The following IVD variants were observed in gnomAD, a reference collection of about 807,000 sequenced individuals.
IVD encodes isovaleryl-CoA dehydrogenase, mitochondrial.
A neutral mutation model predicts 51.3 loss-of-function variants in IVD; 31 were observed. That is an observed-to-expected ratio of 0.60 (90% CI 0.45 to 0.81). The LOEUF is 0.81. IVD is among the 40% of genes least tolerant of loss of function. The pLI is 0.00. For synonymous variants in IVD, 205 were observed against 219.4 expected (o/e 0.93, Z 0.58); for missense variants, 475 against 552.0 (o/e 0.86, Z 1.40).
chr15:40,434,735 T>C (rs181985928), intron 8 of IVD, among the ~76,000 whole-genome samples: 5 of 152,168 alleles, frequency 3.3e-5, no homozygotes, highest in Non-Finnish European at 7.4e-5. Context: ...CTCTGGGAGA[T>C]CCATAAACAA....
Position 40,410,678 on chromosome 15 carries a change from G to A in IVD, c.337G>A (p.Glu113Lys), listed in dbSNP as rs1232893657. The A allele has an allele frequency of 1.9e-6, 3 of 1,614,248 alleles. No homozygotes were observed. The East Asian group carries it at 6.7e-5, about 36-fold the overall frequency. The change falls in exon 4 of 12, where the codon GAG (glutamate) becomes AAG (lysine). Residue 113 changes from glutamate (E) to lysine (K), a missense_variant. Glu to Lys is a moderately conservative substitution (Grantham distance 56). Coordinates refer to ENST00000487418, the MANE Select transcript of IVD (RefSeq NM_002225.5). ...LGYLEHVLVM[E>K]EISRASGAVG... is the part of the protein sequence containing the mutation. ...CTACCTGGAGCATGTGCTGGTGATGGAGGAGATATCCCGAGCTTCCGGAGC... is the reference window on the plus strand; with the variant it reads ...CTACCTGGAGCATGTGCTGGTGATGAAGGAGATATCCCGAGCTTCCGGAGC...
chr15:40,426,415 G>A (rs960255858), downstream of IVD, among the ~76,000 whole-genome samples: 35 of 151,784 alleles, frequency 2.3e-4, no homozygotes, highest in South Asian at 2.1e-4. Context: ...GTGGATGCCT[G>A]TAATCCCAGC....
At chr15:40,406,103 G>T in intron 1 of IVD, 132 bp downstream of exon 1, 1 of 1,540,358 alleles carries the variant, frequency 6.5e-7, no homozygotes, top group Non-Finnish European at 8.8e-7. Context: ...CGTTGGGAGC[G>T]CCAGCGCGGG....
chr15:40,417,026 C>T (rs1032884441), intron 11 of IVD, among the ~76,000 whole-genome samples: 1 of 151,502 alleles, frequency 6.6e-6, no homozygotes, highest in African/African-American at 2.4e-5. Flanking sequence ...ATGGTGAAAC[C>T]CTGTTTCTAC....
At chr15:40,423,092 C>T (rs1420108258), downstream of IVD, among the ~76,000 whole-genome samples, 1 of 151,278 alleles carries the variant, frequency 6.6e-6, no homozygotes, top group Non-Finnish European at 1.5e-5. Flanking sequence ...GTGTGCACCA[C>T]CATGCCAGAC....
In IVD at chr15:40,407,968, C is replaced by T. The variant is rs377199313; in HGVS notation, c.264C>T (p.Gly88=). The T allele has an allele frequency of 1.2e-5, 19 of 1,613,970 alleles. No homozygotes were observed. The highest frequency in any genetic ancestry group is 2.2e-5 in the South Asian group (2 of 91,086). ...REFWKQLGNL[G]VLGITAPVQY... Reference sequence around the variant, plus strand: ...TTTGGAAGCAGCTGGGGAACCTGGGCGTATTGGGCATCACAGCCCCTGGTG... The same window carrying T: ...TTTGGAAGCAGCTGGGGAACCTGGGTGTATTGGGCATCACAGCCCCTGGTG... The change falls in exon 3 of 12, where the codon GGC becomes GGT. Residue 88 remains glycine, a synonymous_variant. Transcript: ENST00000487418.
downstream of IVD, chr15:40,424,279 T>C: frequency 1.1e-6 from 1 of 935,560 alleles, no homozygotes; most frequent in Non-Finnish European, 1.5e-6. Context: ...CCCCTTCTGC[T>C]GCTTCCCTCC....
intron 7 of IVD, among the ~76,000 whole-genome samples, chr15:40,431,680 G>A (rs914529790): frequency 2.0e-5 from 3 of 150,772 alleles, no homozygotes; most frequent in African/African-American, 7.3e-5. Flanking sequence ...GGGCTACAGA[G>A]CAAGACTCCA....
downstream of IVD, among the ~76,000 whole-genome samples, chr15:40,423,141 G>T (rs1230601900): frequency 6.6e-6 from 1 of 151,638 alleles, no homozygotes; most frequent in African/African-American, 2.4e-5. Flanking sequence ...CTTTCACCAT[G>T]TTGTCCAGGC....
In IVD at chr15:40,410,733, A is replaced by G. The variant is rs1566935182; in HGVS notation, c.392A>G (p.Asn131Ser). The change falls in exon 4 of 12, where the codon AAC becomes AGC. Residue 131 changes from asparagine (N) to serine (S), a missense_variant. Physicochemically the swap from Asn to Ser is conservative, Grantham distance 46. Transcript: ENST00000487418. ...AVGLSYGAHS[N>S]LCINQLVRNG... ...GGGCTCAGTTACGGTGCCCACTCCAACCTCTGCATCAACCAGCTTGTACGC... is the reference window on the plus strand; with the variant it reads ...GGGCTCAGTTACGGTGCCCACTCCAGCCTCTGCATCAACCAGCTTGTACGC... 1.9e-6 allele frequency: 3 copies of G among 1,614,220 alleles called. No homozygotes were observed. The Admixed American group carries it at 5.0e-5, about 27-fold the overall frequency.
rs763422682 is a variant in IVD, at chr15:40,418,196, T to C, written c.1205T>C (p.Ile402Thr). Residue 402 changes from isoleucine (I) to threonine (T), a missense_variant, in exon 12 of 12, where the codon ATA (isoleucine) becomes ACA (threonine). Coordinates refer to ENST00000487418, the MANE Select transcript of IVD (RefSeq NM_002225.5). ...RFLRDAKLYE[I>T]GAGTSEVRRL... ...CTTCGAGATGCCAAGCTGTATGAGA[T>C]AGGGGCTGGGACCAGCGAGGTGAGG... 6 of 1,614,252 alleles carry C rather than the reference T, an allele frequency of 3.7e-6. No homozygotes were observed. The Admixed American group carries it at 5.0e-5, about 13-fold the overall frequency.
At position 40,416,127 on chromosome 15, in the gene IVD, G is replaced by A. The variant is rs139908696; in HGVS notation, c.1010G>A (p.Arg337Gln). 1.4e-5 allele frequency: 22 copies of A among 1,614,228 alleles called. No homozygotes were observed. Among genetic ancestry groups the A allele is most frequent in the South Asian group, 8.8e-5 (8 of 91,078 alleles). Residue 337 changes from arginine (R) to glutamine (Q), a missense_variant, in exon 10 of 12, where the codon CGG becomes CAG. Arg to Gln is a conservative substitution (Grantham distance 43, BLOSUM62 1). Transcript: ENST00000487418. ...ADMYTRLMAC[R>Q]QYVYNVAKAC... ...ATGTACACCCGCCTCATGGCGTGTCGGCAGTATGTCTACAATGTCGCCAAG... is the reference window on the plus strand; with the variant it reads ...ATGTACACCCGCCTCATGGCGTGTCAGCAGTATGTCTACAATGTCGCCAAG...
rs896815486 is a variant in IVD, at chr15:40,416,146, C to T, written c.1029C>T (p.Val343=). 6.2e-6 allele frequency: 10 copies of T among 1,614,208 alleles called. No homozygotes were observed. The highest frequency in any genetic ancestry group is 7.6e-6 in the Non-Finnish European group (9 of 1,180,034). ...LMACRQYVYN[V]AKACDEGHCT... ...CGTGTCGGCAGTATGTCTACAATGT[C>T]GCCAAGGCCTGCGATGAGGGCCATT... is the stretch of plus-strand genomic sequence containing the variant. The change falls in exon 10 of 12, where the codon GTC becomes GTT. Residue 343 remains valine (V), a synonymous_variant. Transcript: ENST00000487418.
chr15:40,406,401 T>G, intron 1 of IVD: 1 of 1,218,452 alleles, frequency 8.2e-7, no homozygotes, highest in South Asian at 1.3e-5. Flanking sequence ...GAGTCTTTTT[T>G]GTATAAACAG....
downstream of IVD, among the ~76,000 whole-genome samples, chr15:40,423,218 G>A (rs1595814216): frequency 2.0e-5 from 3 of 152,154 alleles, no homozygotes; most frequent in African/African-American, 2.4e-5. Flanking sequence ...GATTATAGGC[G>A]TTGAGCCAGT....
At chr15:40,428,144 T>C (rs1473328275), downstream of IVD, among the ~76,000 whole-genome samples, 2 of 148,840 alleles carry the variant, frequency 1.3e-5, no homozygotes, top group Non-Finnish European at 3.0e-5. Flanking sequence ...ATTTGGCCAC[T>C]GCACTCCAGC....
Position 40,418,301 on chromosome 15 carries a change from G to T in IVD, c.*38G>T. The stretch of plus-strand genomic sequence containing the variant: ...TCGCCCCCTTTTCCTGCACCTAGTG[G>T]CCTTTCTTGGGAAGTAGAGATGTGG... On this transcript the variant is annotated 3_prime_UTR_variant, in exon 12 of 12. Transcript: ENST00000487418. 6.2e-7 allele frequency: 1 copy of T among 1,612,464 alleles called. No individual in the cohort carries two copies. Among genetic ancestry groups the T allele is most frequent in the Non-Finnish European group, 8.5e-7 (1 of 1,179,342 alleles).
rs952790971 is a variant in IVD, at chr15:40,420,592, A to G, written c.*2329A>G. ...CAGGAAGGTAAAATCAGCCCTTAGGAGAGAGGTCTCAGCCTCCCTTTCCCA... is the reference window on the plus strand; with the variant it reads ...CAGGAAGGTAAAATCAGCCCTTAGGGGAGAGGTCTCAGCCTCCCTTTCCCA... On this transcript the variant is annotated 3_prime_UTR_variant, in exon 12 of 12. Transcript: ENST00000487418. 7.1e-6 allele frequency: 7 copies of G among 987,412 alleles called. No individual in the cohort carries two copies. In the Admixed American group the frequency reaches 3.7e-4, roughly 52 times the overall value. The allele number at this position is 987,412 out of a possible 1,614,324, so 61.2% of individuals were successfully genotyped here. A position where few individuals can be genotyped will look rare whatever the true frequency, so the allele number is the denominator to read the frequency against.
chr15:40,432,477 G>A (rs1401771953), intron 7 of IVD, among the ~76,000 whole-genome samples: 4 of 152,226 alleles, frequency 2.6e-5, no homozygotes, highest in Non-Finnish European at 5.9e-5. Context: ...CATACTTGTG[G>A]CCCAGACTGT....
Sources: allele counts gnomAD v4.1 joint callset (sites outside exome capture counted in the v4.1 genomes callset), GRCh38; gene constraint gnomAD v4.1.1; transcripts MANE v1.5; gene names NCBI Gene and HGNC (gene_info 2026-07-23, HGNC 2026-07-21).